The following EPRS1 variants were observed in gnomAD, a reference collection of about 807,000 sequenced individuals.
EPRS1 encodes the protein glutamyl-prolyl-tRNA synthetase 1.
Under a neutral mutation model 188.3 loss-of-function variants are expected in EPRS1, and 107 were observed. The ratio of observed to expected loss-of-function variants is 0.57; its 90% confidence interval spans 0.49 to 0.67. The LOEUF (loss-of-function observed/expected upper bound fraction) is 0.67. EPRS1 is among the 30% of genes least tolerant of loss of function. EPRS1 has a pLI of 0.00. For missense variants in EPRS1, 1,577 were observed against 1,802.2 expected (o/e 0.88, Z 2.26); for synonymous variants, 596 against 593.1 (o/e 1.00, Z -0.07).
chr1:220,020,711 C>T (rs1661856662), intron 9 of EPRS1, among the ~76,000 whole-genome samples: 1 of 116,986 alleles, frequency 8.5e-6, no homozygotes. Context: ...AAAAAAAAAC[C>T]GACAGAAGAC....
intron 1 of EPRS1, among the ~76,000 whole-genome samples, chr1:220,045,656 G>A (rs1306986452): frequency 1.3e-5 from 2 of 152,184 alleles, no homozygotes; most frequent in African/African-American, 2.4e-5. Context: ...GTGTCAGTAA[G>A]GTGACAGATC....
intron 18 of EPRS1, 78 bp downstream of exon 18, chr1:219,996,905 A>T (rs1661245569): frequency 7.2e-7 from 1 of 1,394,176 alleles, no homozygotes; most frequent in Non-Finnish European, 9.6e-7. Flanking sequence ...TCGATGTTTT[A>T]TAAGAAGATG....
chr1:220,024,384 T>C lies in EPRS1; in HGVS notation c.823A>G (p.Thr275Ala). 1 of 1,612,612 alleles carries C rather than the reference T, an allele frequency of 6.2e-7. No individual in the cohort carries two copies. The highest frequency in any genetic ancestry group is 8.5e-7 in the Non-Finnish European group (1 of 1,179,092). ...QFTYTSDHFE[T>A]IMKYAEKLIQ... ...AGCTTCTCTGCATACTTCATTATAG[T>C]TTCAAAATGATCCGAAGTATAAGTA... is the stretch of plus-strand genomic sequence containing the variant. Residue 275 changes from threonine (T) to alanine (A), a missense_variant, in exon 8 of 32, where the codon ACT becomes GCT. Physicochemically the swap from Thr to Ala is moderately conservative, Grantham distance 58. Transcript: ENST00000366923.
rs1254327666 is a variant in EPRS1 at position 220,025,210 on chromosome 1, G to A, written c.672C>T (p.Tyr224=). The A allele has an allele frequency of 6.2e-7, 1 of 1,611,010 alleles. No homozygotes were observed. The highest frequency in any genetic ancestry group is 1.3e-5 in the African/African-American group (1 of 74,842). The change falls in exon 7 of 32, where the codon TAC becomes TAT. Residue 224 remains tyrosine, a synonymous_variant. Coordinates refer to ENST00000366923, the MANE Select transcript of EPRS1 (RefSeq NM_004446.3). ...HAKAALLNQH[Y]QVNFKGKLIM... is the part of the protein sequence containing the mutation. ...TCAGTTTCCCTTTAAAGTTAACCTGGTAGTGCTGGTTCAGAAGAGCAGCTT... is the reference window on the plus strand; with the variant it reads ...TCAGTTTCCCTTTAAAGTTAACCTGATAGTGCTGGTTCAGAAGAGCAGCTT...
intron 7 of EPRS1, 174 bp downstream of exon 7, chr1:220,024,958 T>C: frequency 1.6e-6 from 1 of 612,222 alleles, no homozygotes; most frequent in Non-Finnish European, 2.9e-6. Flanking sequence ...ACTCTTAAGT[T>C]TTTTGGTATG....
At chr1:219,991,085 A>C (rs2102570463) in intron 18 of EPRS1, among the ~76,000 whole-genome samples, 1 of 152,262 alleles carries the variant, frequency 6.6e-6, no homozygotes, top group Non-Finnish European at 1.5e-5. Flanking sequence ...TTATGACTAA[A>C]AACTGGAAAG....
Position 219,987,214 on chromosome 1 carries a change from G to T in EPRS1, c.2966C>A (p.Pro989His). 6.2e-7 allele frequency: 1 copy of T among 1,614,090 alleles called. No homozygotes were observed. Residue 989 changes from proline (P) to histidine (H), a missense_variant, in exon 20 of 32, where the codon CCT becomes CAT. By Grantham distance (77) the Pro-to-His change is moderately conservative. This residue lies in a region of EPRS1 where 1,278 missense variants were observed against 1,457.4 expected (regional missense o/e 0.88). Coordinates refer to ENST00000366923, the MANE Select transcript of EPRS1 (RefSeq NM_004446.3). ...GAGCCCACCTCCTTGGTTTTTAGAA[G>T]GGTCTTTCCTTTGGCCATCATTTTG... ...QKQNDGQRKD[P>H]SKNQGGGLSS...
chr1:220,040,347 T>C (rs767224030), intron 1 of EPRS1, 78 bp from the exon 2 acceptor site: 86 of 967,720 alleles, frequency 8.9e-5, no homozygotes, highest in Non-Finnish European at 1.3e-4. Context: ...GCAATCAGGA[T>C]GAGTCAACAA....
intron 12 of EPRS1, among the ~76,000 whole-genome samples, chr1:220,016,067 G>A (rs1053646103): frequency 6.6e-6 from 1 of 152,016 alleles, no homozygotes; most frequent in Non-Finnish European, 1.5e-5. Flanking sequence ...AGTATGCAGG[G>A]GGGCTTGGTG....
intron 2 of EPRS1, among the ~76,000 whole-genome samples, chr1:220,039,785 C>T (rs189652098): frequency 6.6e-6 from 1 of 152,048 alleles, no homozygotes; most frequent in African/African-American, 2.4e-5. Flanking sequence ...CCCAAAGTGC[C>T]GGGATTACAG....
chr1:220,020,643 TAA>T (rs930995845), intron 9 of EPRS1, among the ~76,000 whole-genome samples: 4 of 149,592 alleles, frequency 2.7e-5, no homozygotes, highest in Non-Finnish European at 5.9e-5. Context: ...AGTAAATCCC[TAA>T]AAGTCTTAAA....
At chr1:220,026,342 T>A (rs1333884852) in intron 6 of EPRS1, among the ~76,000 whole-genome samples, 3 of 152,124 alleles carry the variant, frequency 2.0e-5, no homozygotes, top group Non-Finnish European at 2.9e-5. Flanking sequence ...GTTGATAATA[T>A]CACACATCAA....
At chr1:220,017,939 C>T (rs1438764627) in intron 12 of EPRS1, among the ~76,000 whole-genome samples, 2 of 152,150 alleles carry the variant, frequency 1.3e-5, no homozygotes, top group African/African-American at 4.8e-5. Flanking sequence ...TCCCAATATT[C>T]CCCTTGGCAC....
rs1302885959 is a variant in EPRS1 at position 220,040,041 on chromosome 1, C to T, written c.131+144G>A. The T allele has an allele frequency of 1.4e-5, 8 of 573,386 alleles. No individual in the cohort carries two copies. The East Asian group carries it at 2.0e-4, about 15-fold the overall frequency. The allele number at this position is 573,386 out of a possible 1,614,324, so 35.5% of individuals were successfully genotyped here. Reference sequence around the variant, plus strand: ...CTAGCTACTCGGGAGGCTGGGATGGCAGGATCCTGAGTCCACGAGTTCTAG... The same window carrying T: ...CTAGCTACTCGGGAGGCTGGGATGGTAGGATCCTGAGTCCACGAGTTCTAG... On this transcript the variant is annotated intron_variant, in intron 2 of 31. Coordinates refer to ENST00000366923, the MANE Select transcript of EPRS1 (RefSeq NM_004446.3).
chr1:220,029,823 C>T (rs1226431450), intron 6 of EPRS1, among the ~76,000 whole-genome samples: 1 of 152,114 alleles, frequency 6.6e-6, no homozygotes, highest in African/African-American at 2.4e-5. Context: ...CTGAAGCAGC[C>T]CCAGCCTGGT....
chr1:220,004,834 TA>T lies in EPRS1; in HGVS notation c.2063+413del, dbSNP rs201480472. ...TCTAATAATCCTATTACTTCATGGT[TA>T]AAAAAAAAAATACAAATACTGGTTA... On this transcript the variant is annotated intron_variant, in intron 16 of 31. Transcript: ENST00000366923. Among the ~76,000 whole-genome samples the T allele has an allele frequency of 3.2e-3, 469 of 147,078 alleles. 6 individuals are homozygous for T. In the East Asian group the frequency reaches 0.044, roughly 14 times the overall value.
chr1:220,039,946 C>T (rs1662261590), intron 2 of EPRS1, among the ~76,000 whole-genome samples: 1 of 152,182 alleles, frequency 6.6e-6, no homozygotes, highest in South Asian at 2.1e-4. Context: ...GGCTGGGCAA[C>T]ACAGTGATAC....
At chr1:220,005,805 A>G (rs1453116726) in intron 15 of EPRS1, among the ~76,000 whole-genome samples, 1 of 144,752 alleles carries the variant, frequency 6.9e-6, no homozygotes, top group Non-Finnish European at 1.5e-5. Flanking sequence ...AAATGGAAAC[A>G]TTACTTACAT....
intron 1 of EPRS1, among the ~76,000 whole-genome samples, chr1:220,041,352 C>T (rs1023018712): frequency 1.3e-5 from 2 of 151,854 alleles, no homozygotes; most frequent in African/African-American, 2.4e-5. Flanking sequence ...ATGAGAGATA[C>T]TTTCATCCCC....
Sources: allele counts gnomAD v4.1 joint callset (sites outside exome capture counted in the v4.1 genomes callset), GRCh38; gene constraint gnomAD v4.1.1; regional missense constraint gnomAD v4.1.1; transcripts MANE v1.5; gene names NCBI Gene and HGNC (gene_info 2026-07-23, HGNC 2026-07-21).